MYO1E: variants seen among roughly 807,000 people sequenced by gnomAD.
MYO1E encodes unconventional myosin-Ie.
In MYO1E, 68 loss-of-function variants were observed where a neutral mutation model predicts 151.1. The ratio of observed to expected loss-of-function variants is 0.45; its 90% CI spans 0.37 to 0.55. The LOEUF (loss-of-function observed/expected upper bound fraction) is 0.55, where lower values mean the gene tolerates loss of function less well. Ranked by LOEUF, MYO1E falls within the 20% of genes least tolerant of loss-of-function variation. MYO1E has a pLI of 0.00. For synonymous variants in MYO1E, 601 were observed against 501.7 expected, an observed-to-expected ratio of 1.20 and a Z score of -2.64; for missense variants, 1,363 against 1,389.3, an observed-to-expected ratio of 0.98 and a Z score of 0.30.
At chr15:59,369,624 T>A (rs184826863) in intron 1 of MYO1E, among the ~76,000 whole-genome samples, 6 of 152,336 alleles carry the variant, frequency 3.9e-5, no homozygotes, top group Non-Finnish European at 7.3e-5. Flanking sequence ...GGGTTTTTTT[T>A]AACTTCTTCA....
intron 2 of MYO1E, among the ~76,000 whole-genome samples, chr15:59,267,981 C>T (rs553897280): frequency 2.4e-4 from 37 of 152,136 alleles, no homozygotes; most frequent in South Asian, 1.9e-3. Context: ...CATTAACAAT[C>T]GATCGCCCCA....
At chr15:59,311,973 C>G (rs1234740966) in intron 1 of MYO1E, among the ~76,000 whole-genome samples, 13 of 152,166 alleles carry the variant, frequency 8.5e-5, no homozygotes, top group Non-Finnish European at 1.6e-4. Flanking sequence ...TCATGAACTT[C>G]CCAGCCTCCA....
chr15:59,326,068 C>T lies in MYO1E; in HGVS notation c.3+46430G>A, dbSNP rs182314408. On this transcript the variant is annotated intron_variant, in intron 1 of 27. Coordinates refer to ENST00000288235, the MANE Select transcript of MYO1E (RefSeq NM_004998.4). ...ATCCTGAATTCTTTAAACACCAAAA[C>T]TCTCATTAAACTCAAAGGTTCAGTT... Among the ~76,000 whole-genome samples, 10 of 152,130 alleles carry T rather than the reference C, an allele frequency of 6.6e-5. No homozygotes were observed. In the East Asian group the frequency reaches 1.9e-3, roughly 29 times the overall value.
At chr15:59,220,147 A>T (rs562510729) in intron 9 of MYO1E, among the ~76,000 whole-genome samples, 1 of 152,040 alleles carries the variant, frequency 6.6e-6, no homozygotes, top group Non-Finnish European at 1.5e-5. Flanking sequence ...AAGGTCAGGT[A>T]AAAAAAACAA....
chr15:59,268,720 A>ATTTGTTTTTTTTTTTTTTTTTTTT (rs2080271356), intron 2 of MYO1E, among the ~76,000 whole-genome samples: 1 of 44,906 alleles, frequency 2.2e-5, no homozygotes, highest in African/African-American at 5.8e-5. Flanking sequence ...TGACTTTGGT[A>ATTTGTTTTTTTTTTTTTTTTTTTT]TTTTTTTTTT....
At position 59,285,041 on chromosome 15, in the gene MYO1E, T is replaced by TC. The variant is rs755313948; in HGVS notation, c.4-12593dup. Among the ~76,000 whole-genome samples the TC allele has an allele frequency of 7.2e-5, 11 of 152,270 alleles. No homozygotes were observed. The East Asian group carries it at 1.9e-3, about 27-fold the overall frequency. On this transcript the variant is annotated intron_variant, in intron 1 of 27. Coordinates refer to ENST00000288235, the MANE Select transcript of MYO1E (RefSeq NM_004998.4). ...GCACTTAACAGTCCCTTAAGAGAGCTCCCACATCACCACTCTTGTTTTTAA... is the reference window on the plus strand; with the variant it reads ...GCACTTAACAGTCCCTTAAGAGAGCTCCCCACATCACCACTCTTGTTTTTAA...
intron 9 of MYO1E, among the ~76,000 whole-genome samples, chr15:59,218,482 T>C (rs868774362): frequency 5.1e-4 from 77 of 152,242 alleles, no homozygotes; most frequent in African/African-American, 1.7e-3. Context: ...GCTCCAAATA[T>C]TGTTTTCTTC....
intron 16 of MYO1E, among the ~76,000 whole-genome samples, chr15:59,199,078 C>T (rs752940293): frequency 6.6e-6 from 1 of 152,022 alleles, no homozygotes; most frequent in South Asian, 2.1e-4. Flanking sequence ...TGGATTTTTT[C>T]AGATTTTGGA....
In MYO1E at chr15:59,178,483, T is replaced by G. The variant is rs373083141; in HGVS notation, c.1959A>C (p.Gln653His). Residue 653 changes from glutamine to histidine, a missense_variant, in exon 19 of 28, where the codon CAA (glutamine) becomes CAC (histidine). Coordinates refer to ENST00000288235, the MANE Select transcript of MYO1E (RefSeq NM_004998.4). Reference protein sequence around the residue: ...TWPSWQGEEKQGVLHLLQSVN... With the variant: ...TWPSWQGEEKHGVLHLLQSVN... ...CCGACTGCAGCAGGTGCAGGACGCC[T>G]TGCTTCTCCTCTCCCTGCCAAGAAG... The G allele has an allele frequency of 1.9e-6, 3 of 1,614,192 alleles. No homozygotes were observed. Among genetic ancestry groups the G allele is most frequent in the African/African-American group, 1.3e-5 (1 of 75,046 alleles).
At position 59,200,608 on chromosome 15, in the gene MYO1E, C is replaced by T. The variant is rs575985505; in HGVS notation, c.1698+1718G>A. On this transcript the variant is annotated intron_variant, in intron 16 of 27. Transcript: ENST00000288235. ...AAGACCAGCCTAGGTGACATTGTGA[C>T]ACCCCAACTTTACAAAAAAGAAAAA... Among the ~76,000 whole-genome samples the T allele has an allele frequency of 1.5e-3, 223 of 152,180 alleles. 1 individual carries two copies. The highest frequency in any genetic ancestry group is 5.1e-3 in the African/African-American group (211 of 41,506).
At chr15:59,219,120 T>C (rs770353788) in intron 9 of MYO1E, among the ~76,000 whole-genome samples, 3 of 152,200 alleles carry the variant, frequency 2.0e-5, no homozygotes, top group Non-Finnish European at 4.4e-5. Flanking sequence ...TAATGTCACA[T>C]GGTATGGCAG....
chr15:59,302,944 T>C (rs901831949), intron 1 of MYO1E, among the ~76,000 whole-genome samples: 5 of 152,176 alleles, frequency 3.3e-5, no homozygotes, highest in Non-Finnish European at 4.4e-5. Context: ...ATACAATCTC[T>C]TAGGCCAAGG....
At chr15:59,285,350 C>CTTTTTT (rs368001329) in intron 1 of MYO1E, among the ~76,000 whole-genome samples, 24 of 74,086 alleles carry the variant, frequency 3.2e-4, no homozygotes, top group East Asian at 1.3e-3. Flanking sequence ...GACACTGTCT[C>CTTTTTT]TTTTTTTTTT....
chr15:59,216,691 T>TACACACACACACACACACAC (rs199582846), intron 10 of MYO1E, among the ~76,000 whole-genome samples: 2 of 56,514 alleles, frequency 3.5e-5, no homozygotes, highest in Non-Finnish European at 6.8e-5. Context: ...TATATACACA[T>TACACACACACACACACACAC]ACACACACAC....
intron 2 of MYO1E, 185 bp downstream of exon 2, chr15:59,272,121 A>G: frequency 1.6e-6 from 1 of 623,980 alleles, no homozygotes. Context: ...TTCAGTTTTT[A>G]TTTTTATTTT....
chr15:59,221,497 T>C lies in MYO1E; in HGVS notation c.910+1562A>G, dbSNP rs570319286. On this transcript the variant is annotated intron_variant, in intron 9 of 27. Coordinates refer to ENST00000288235, the MANE Select transcript of MYO1E (RefSeq NM_004998.4). Reference sequence around the variant, plus strand: ...GGGAACAAGTGGACTAGAAAAGGTATAGAAGGGAGAACTTTCACTGCATAC... The same window carrying C: ...GGGAACAAGTGGACTAGAAAAGGTACAGAAGGGAGAACTTTCACTGCATAC... 7.0e-4 allele frequency among the ~76,000 whole-genome samples: 107 copies of C among 152,212 alleles called. 1 individual carries two copies. Among genetic ancestry groups the C allele is most frequent in the African/African-American group, 2.5e-3 (105 of 41,526 alleles).
chr15:59,230,253 T>TGTGC (rs1366813534), intron 6 of MYO1E, among the ~76,000 whole-genome samples: 10 of 151,086 alleles, frequency 6.6e-5, no homozygotes, highest in Non-Finnish European at 1.2e-4. Context: ...TGTGTGTGTG[T>TGTGC]GCAGGTGAAT....
intron 3 of MYO1E, among the ~76,000 whole-genome samples, chr15:59,259,359 G>A (rs770143950): frequency 5.3e-5 from 8 of 152,200 alleles, no homozygotes; most frequent in Non-Finnish European, 7.3e-5. Context: ...TAACATGAGT[G>A]ATTCCATGTT....
chr15:59,173,072 AG>A (rs1303054543), intron 21 of MYO1E, among the ~76,000 whole-genome samples: 1 of 152,240 alleles, frequency 6.6e-6, no homozygotes, highest in African/African-American at 2.4e-5. Context: ...CTTTATCAAA[AG>A]GTATCTAAAG....
Sources: allele counts gnomAD v4.1 joint callset (sites outside exome capture counted in the v4.1 genomes callset), GRCh38; gene constraint gnomAD v4.1.1; transcripts MANE v1.5; gene names NCBI Gene and HGNC (gene_info 2026-07-23, HGNC 2026-07-21).